The following MKLN1 variants were observed in gnomAD, a reference collection of about 807,000 sequenced individuals.
MKLN1 encodes muskelin.
MKLN1 carries 18 observed loss-of-function variants against 99.0 expected under a neutral mutation model. The observed-to-expected ratio is 0.18, with a 90% CI of 0.13 to 0.27. The LOEUF (loss-of-function observed/expected upper bound fraction) is 0.27, where lower values mean the gene tolerates loss of function less well. MKLN1 is among the 10% of genes least tolerant of loss of function. MKLN1 has a pLI of 1.00. For missense variants in MKLN1, 621 were observed against 875.9 expected, an observed-to-expected ratio of 0.71 and a Z score of 3.67; for synonymous variants, 288 against 293.2, an observed-to-expected ratio of 0.98 and a Z score of 0.18.
chr7:131,389,797 G>A (rs933485301), intron 4 of MKLN1, among the ~76,000 whole-genome samples: 4 of 151,600 alleles, frequency 2.6e-5, no homozygotes, highest in African/African-American at 9.7e-5. Flanking sequence ...GCTGAGGTGG[G>A]AGAATGCTGT....
intron 17 of MKLN1, chr7:131,478,884 A>G: frequency 1.6e-6 from 1 of 615,874 alleles, no homozygotes; most frequent in South Asian, 1.9e-5. Flanking sequence ...AATGACTATT[A>G]TACCAATTGC....
intron 1 of MKLN1, among the ~76,000 whole-genome samples, chr7:131,116,599 A>G (rs1448352451): frequency 6.6e-6 from 1 of 152,090 alleles, no homozygotes; most frequent in Non-Finnish European, 1.5e-5. Context: ...CTAAATCATT[A>G]CTTTGAAAAG....
At chr7:131,312,992 C>A (rs948751495) in intron 3 of MKLN1, among the ~76,000 whole-genome samples, 1 of 152,124 alleles carries the variant, frequency 6.6e-6, no homozygotes, top group Non-Finnish European at 1.5e-5. Context: ...AGGCTCAAAT[C>A]CAAAGACATA....
intron 3 of MKLN1, among the ~76,000 whole-genome samples, chr7:131,272,525 A>G (rs908616964): frequency 6.6e-6 from 1 of 152,216 alleles, no homozygotes; most frequent in African/African-American, 2.4e-5. Context: ...TCATGGGAAA[A>G]GGGAAGCCAA....
At chr7:131,278,056 T>G (rs1797999670) in intron 3 of MKLN1, among the ~76,000 whole-genome samples, 1 of 152,160 alleles carries the variant, frequency 6.6e-6, no homozygotes, top group Non-Finnish European at 1.5e-5. Context: ...ATTTATTTTA[T>G]TTTTGAGACA....
At chr7:131,187,352 T>A (rs116507747) in intron 2 of MKLN1, among the ~76,000 whole-genome samples, 4,160 of 150,148 alleles carry the variant, frequency 0.028, 179 homozygotes, top group African/African-American at 0.095. Flanking sequence ...ACAACTGAGA[T>A]AAATTACAAT....
intron 17 of MKLN1, among the ~76,000 whole-genome samples, chr7:131,485,432 A>G (rs1486221242): frequency 6.6e-6 from 1 of 152,136 alleles, no homozygotes; most frequent in Non-Finnish European, 1.5e-5. Flanking sequence ...TTCAGCAAGA[A>G]TCATCAATGA....
intron 1 of MKLN1, among the ~76,000 whole-genome samples, chr7:131,120,221 C>T (rs548581305): frequency 5.2e-4 from 76 of 146,820 alleles, no homozygotes; most frequent in African/African-American, 1.8e-3. Context: ...GAATGCTTTG[C>T]AGCTTAGAAA....
chr7:131,299,368 A>G (rs916285214), intron 3 of MKLN1, among the ~76,000 whole-genome samples: 3 of 152,214 alleles, frequency 2.0e-5, no homozygotes, highest in Non-Finnish European at 4.4e-5. Context: ...AATGAACTAC[A>G]TGAAAAAAGG....
At chr7:131,198,886 G>A (rs920703689) in intron 2 of MKLN1, among the ~76,000 whole-genome samples, 1 of 150,926 alleles carries the variant, frequency 6.6e-6, no homozygotes, top group African/African-American at 2.4e-5. Flanking sequence ...GGAAATGAGA[G>A]ATAACTTAGA....
chr7:131,272,760 C>T (rs1429736941), intron 3 of MKLN1, among the ~76,000 whole-genome samples: 2 of 152,076 alleles, frequency 1.3e-5, no homozygotes, highest in Admixed American at 1.3e-4. Context: ...AAGTGGAAAC[C>T]CCTGATAAAC....
chr7:131,267,446 T>C (rs1054694917), intron 3 of MKLN1, among the ~76,000 whole-genome samples: 2 of 152,228 alleles, frequency 1.3e-5, no homozygotes, highest in Non-Finnish European at 2.9e-5. Flanking sequence ...TCTCTCTCTG[T>C]AAACACCCCC....
chr7:131,381,937 G>A (rs537975912), intron 2 of MKLN1, among the ~76,000 whole-genome samples: 2 of 152,144 alleles, frequency 1.3e-5, no homozygotes, highest in African/African-American at 2.4e-5. Flanking sequence ...CATTATTCAG[G>A]TAATAATAGT....
chr7:131,279,740 G>A (rs960318473), intron 3 of MKLN1, among the ~76,000 whole-genome samples: 1 of 152,120 alleles, frequency 6.6e-6, no homozygotes, highest in Admixed American at 6.6e-5. Context: ...TGGCAAGGTG[G>A]AGACTGCAGT....
At chr7:131,193,913 C>G (rs527305781) in intron 2 of MKLN1, among the ~76,000 whole-genome samples, 37 of 152,016 alleles carry the variant, frequency 2.4e-4, no homozygotes, top group African/African-American at 8.7e-4. Context: ...TAAGCATGAG[C>G]CACAGGACCT....
intron 3 of MKLN1, among the ~76,000 whole-genome samples, chr7:131,291,580 TTA>T (rs34732483): frequency 0.14 from 20,041 of 144,970 alleles, 1,425 homozygotes; most frequent in Middle Eastern, 0.27. Flanking sequence ...CTTTCATTTA[TTA>T]TATATATATA....
intron 3 of MKLN1, among the ~76,000 whole-genome samples, chr7:131,273,737 A>G (rs1214423145): frequency 6.8e-6 from 1 of 147,934 alleles, no homozygotes; most frequent in Non-Finnish European, 1.5e-5. Context: ...TGATCCCCCC[A>G]CCTCAGGCTC....
In MKLN1 at chr7:131,443,430, A is replaced by G. The variant is rs529958366; in HGVS notation, c.1174-51A>G. 7 of 1,361,062 alleles carry G rather than the reference A, an allele frequency of 5.1e-6. No individual in the cohort carries two copies. In the East Asian group the frequency reaches 6.9e-5, roughly 13 times the overall value. 84.3% of individuals were successfully genotyped at this position (1,361,062 alleles called of 1,614,324 possible). On this transcript the variant is annotated intron_variant, in intron 10 of 17. Coordinates refer to ENST00000352689, the MANE Select transcript of MKLN1 (RefSeq NM_013255.5). ...GTACATGTTGGTTTTGTTTTAGCAC[A>G]TATGACAGGAACAAACTAAAACTAT...
intron 3 of MKLN1, among the ~76,000 whole-genome samples, chr7:131,291,149 G>C (rs1584894433): frequency 1.1e-5 from 1 of 88,326 alleles, no homozygotes; most frequent in South Asian, 3.5e-4. Context: ...TTATTTATTT[G>C]AGACAGAGTC....
Sources: allele counts gnomAD v4.1 joint callset (sites outside exome capture counted in the v4.1 genomes callset), GRCh38; gene constraint gnomAD v4.1.1; transcripts MANE v1.5; gene names NCBI Gene and HGNC (gene_info 2026-07-23, HGNC 2026-07-21).